Variants in CDK17 observed in about 807,000 individuals in gnomAD.
CDK17 encodes cyclin-dependent kinase 17.
A neutral mutation model predicts 77.6 loss-of-function variants in CDK17; 24 were observed. The observed-to-expected ratio is 0.31, with a 90% CI of 0.22 to 0.44. The LOEUF is 0.44. Ranked by LOEUF, CDK17 falls within the 20% of genes least tolerant of loss-of-function variation. The pLI, the probability that CDK17 is intolerant of heterozygous loss-of-function variation, is 1.00. For synonymous variants in CDK17, 203 were observed against 210.4 expected, an observed-to-expected ratio of 0.96 and a Z score of 0.30; for missense variants, 429 against 622.5, an observed-to-expected ratio of 0.69 and a Z score of 3.31.
intron 1 of CDK17, among the ~76,000 whole-genome samples, chr12:96,372,653 C>T (rs1953713028): frequency 6.6e-6 from 1 of 152,044 alleles, no homozygotes; most frequent in Non-Finnish European, 1.5e-5. Flanking sequence ...AAAAATACTC[C>T]ACAGCCACTT....
At chr12:96,310,275 A>G (rs1952630687) in intron 5 of CDK17, among the ~76,000 whole-genome samples, 1 of 151,892 alleles carries the variant, frequency 6.6e-6, no homozygotes, top group African/African-American at 2.4e-5. Context: ...ATATTGTGCA[A>G]TATATATATA....
downstream of CDK17, chr12:96,278,230 AG>A (rs1282503180): frequency 1.3e-5 from 2 of 152,150 alleles, no homozygotes; most frequent in Non-Finnish European, 2.9e-5. Flanking sequence ...AGGAATTCCT[AG>A]GAAGAAACAC....
chr12:96,336,102 G>T (rs112382040), intron 1 of CDK17, among the ~76,000 whole-genome samples: 1 of 152,062 alleles, frequency 6.6e-6, no homozygotes, highest in African/African-American at 2.4e-5. Flanking sequence ...TAAAAGCTGG[G>T]GGGGGAGGTA....
chr12:96,400,288 C>A lies in CDK17; in HGVS notation c.-332G>T, dbSNP rs1954241543. On this transcript the variant is annotated 5_prime_UTR_variant, in exon 1 of 17. Transcript: ENST00000261211. ...CCCTCGGAGCAGCCGGGCGCGAGCG[C>A]GGCGGGCGCCGACGGCGGGCTGAGA... 2 of 391,042 alleles carry A rather than the reference C, an allele frequency of 5.1e-6. No homozygotes were observed. Among genetic ancestry groups the A allele is most frequent in the East Asian group, 3.6e-5 (1 of 27,476 alleles). 24.2% of individuals were successfully genotyped at this position (391,042 alleles called of 1,614,324 possible). A position where few individuals can be genotyped will look rare whatever the true frequency, so the allele number is the denominator to read the frequency against.
intron 1 of CDK17, among the ~76,000 whole-genome samples, chr12:96,374,659 G>C (rs1953749915): frequency 6.6e-6 from 1 of 152,088 alleles, no homozygotes; most frequent in South Asian, 2.1e-4. Flanking sequence ...CAACATCAGA[G>C]ATCTCAAGAC....
In CDK17 at chr12:96,364,705, C is replaced by T. The variant is rs555728486; in HGVS notation, c.-29-29840G>A. Among the ~76,000 whole-genome samples the T allele has an allele frequency of 7.9e-5, 12 of 152,318 alleles. No homozygotes were observed. In the East Asian group the frequency reaches 2.1e-3, roughly 27 times the overall value. On this transcript the variant is annotated intron_variant, in intron 1 of 16. Transcript: ENST00000261211. ...ATACGGCACATACTACAGGAAATCA[C>T]TTCCATAGGCTTGCTCTTTACTTGA...
At chr12:96,347,046 AAC>A (rs1387849845) in intron 1 of CDK17, among the ~76,000 whole-genome samples, 2 of 152,212 alleles carry the variant, frequency 1.3e-5, no homozygotes, top group African/African-American at 4.8e-5. Context: ...TGTCAGACAA[AAC>A]AGAGTATGAT....
intron 1 of CDK17, among the ~76,000 whole-genome samples, chr12:96,372,671 G>A (rs1379904412): frequency 1.3e-5 from 2 of 151,912 alleles, no homozygotes; most frequent in African/African-American, 4.8e-5. Flanking sequence ...CTTTTTTTCA[G>A]AGGTTTTCAT....
At chr12:96,395,639 C>T (rs944162257) in intron 1 of CDK17, among the ~76,000 whole-genome samples, 3 of 152,080 alleles carry the variant, frequency 2.0e-5, no homozygotes, top group Non-Finnish European at 2.9e-5. Context: ...GATCTGTGTA[C>T]CCCCAAAATT....
intron 1 of CDK17, among the ~76,000 whole-genome samples, chr12:96,383,162 T>G (rs989945327): frequency 6.6e-6 from 1 of 152,204 alleles, no homozygotes; most frequent in Non-Finnish European, 1.5e-5. Context: ...TTATTTACAA[T>G]AGCCCCCCAA....
chr12:96,334,679 T>C, intron 2 of CDK17, 40 bp downstream of exon 2: 1 of 1,019,564 alleles, frequency 9.8e-7, no homozygotes, highest in East Asian at 2.4e-5. Flanking sequence ...CATAAAGTAA[T>C]TAAAAGGAGG....
chr12:96,282,328 A>C, intron 15 of CDK17, 181 bp downstream of exon 15: 2 of 551,296 alleles, frequency 3.6e-6, no homozygotes, highest in Non-Finnish European at 6.5e-6. Flanking sequence ...TCAGTGTTAC[A>C]AGAAATAACT....
chr12:96,288,824 G>C (rs902754953), intron 11 of CDK17, among the ~76,000 whole-genome samples: 1 of 152,160 alleles, frequency 6.6e-6, no homozygotes, highest in African/African-American at 2.4e-5. Flanking sequence ...CTATGTATCA[G>C]ATACTCTTGA....
intron 1 of CDK17, among the ~76,000 whole-genome samples, chr12:96,342,121 GTCTT>G (rs1247134015): frequency 6.6e-6 from 1 of 152,134 alleles, no homozygotes; most frequent in Non-Finnish European, 1.5e-5. Context: ...GCTTTTGTCA[GTCTT>G]TCTGAAATAT....
chr12:96,318,062 T>C (rs1388254274), intron 3 of CDK17, among the ~76,000 whole-genome samples: 1 of 152,006 alleles, frequency 6.6e-6, no homozygotes, highest in African/African-American at 2.4e-5. Flanking sequence ...CCATCTCACA[T>C]GCAGACACAC....
chr12:96,383,404 G>GGAA (rs1555207361), intron 1 of CDK17, among the ~76,000 whole-genome samples: 31 of 137,166 alleles, frequency 2.3e-4, no homozygotes, highest in African/African-American at 5.8e-4. Context: ...AAAATTAGAA[G>GGAA]AAAAAAAAAA....
intron 1 of CDK17, among the ~76,000 whole-genome samples, chr12:96,382,298 A>G (rs1303222477): frequency 6.6e-6 from 1 of 151,950 alleles, no homozygotes; most frequent in East Asian, 1.9e-4. Context: ...AGATTAAACC[A>G]GGAAGGAAGT....
At chr12:96,356,078 A>G (rs1440092) in intron 1 of CDK17, among the ~76,000 whole-genome samples, 131,624 of 152,122 alleles carry the variant, frequency 0.87, 56,989 homozygotes, top group African/African-American at 0.89. Context: ...AGGAGGCATT[A>G]AGGGCAAAAA....
At position 96,346,635 on chromosome 12, in the gene CDK17, G is replaced by A. The variant is rs554463663; in HGVS notation, c.-29-11770C>T. 3.3e-4 allele frequency among the ~76,000 whole-genome samples: 45 copies of A among 136,400 alleles called. 1 individual carries two copies. The East Asian group carries it at 8.9e-3, about 27-fold the overall frequency. 89.5% of individuals were successfully genotyped at this position (136,400 alleles called of 152,430 possible). On this transcript the variant is annotated intron_variant, in intron 1 of 16. Transcript: ENST00000261211. ...AAGAGCAAAACTCCACTAAAAAAAA[G>A]GCCGGGCATGGTGGCTCACGCCTGT...
Sources: allele counts gnomAD v4.1 joint callset (sites outside exome capture counted in the v4.1 genomes callset), GRCh38; gene constraint gnomAD v4.1.1; transcripts MANE v1.5; gene names NCBI Gene and HGNC (gene_info 2026-07-23, HGNC 2026-07-21).